LHFPL7: variants seen among roughly 807,000 people sequenced by gnomAD.
LHFPL7 encodes LHFPL tetraspan subfamily member 7 protein.
chr22:24,939,774 T>C, the LHFPL7 span, among the ~76,000 whole-genome samples: 1 of 152,138 alleles, frequency 6.6e-6, no homozygotes, highest in Non-Finnish European at 1.5e-5. Flanking sequence ...CCCCAAGTCC[T>C]AGAATAAATG....
chr22:24,940,143 A>G, the LHFPL7 span, among the ~76,000 whole-genome samples: 2 of 147,036 alleles, frequency 1.4e-5, no homozygotes, highest in African/African-American at 5.0e-5. Context: ...AGCCAGGATG[A>G]TCTCGATCTC....
the LHFPL7 span, among the ~76,000 whole-genome samples, chr22:24,937,607 C>A: frequency 4.6e-5 from 7 of 152,174 alleles, no homozygotes; most frequent in African/African-American, 1.7e-4. Context: ...GCAGTGAGAC[C>A]TGTGAGGTGC....
the LHFPL7 span, among the ~76,000 whole-genome samples, chr22:24,942,140 GCC>G: frequency 1.4e-4 from 21 of 151,614 alleles, no homozygotes; most frequent in African/African-American, 4.4e-4. Context: ...GGACATAGGC[GCC>G]CGCCACCATG....
chr22:24,935,940 TC>T, the LHFPL7 span, among the ~76,000 whole-genome samples: 2 of 151,940 alleles, frequency 1.3e-5, no homozygotes, highest in Non-Finnish European at 2.9e-5. Context: ...ACCCTCATCT[TC>T]CATTCATCCA....
At chr22:24,942,285 C>T in the LHFPL7 span, among the ~76,000 whole-genome samples, 33 of 152,220 alleles carry the variant, frequency 2.2e-4, no homozygotes, top group African/African-American at 7.7e-4. Context: ...TGAGCCACCG[C>T]GCCCGGCCTC....
the LHFPL7 span, among the ~76,000 whole-genome samples, chr22:24,937,174 A>G: frequency 1.3e-5 from 2 of 152,316 alleles, no homozygotes; most frequent in Non-Finnish European, 2.9e-5. Context: ...GCAAAGTAAG[A>G]AGATGGAGAA....
the LHFPL7 span, chr22:24,938,403 CAG>C: frequency 1.3e-6 from 2 of 1,565,444 alleles, no homozygotes; most frequent in Non-Finnish European, 1.7e-6. Flanking sequence ...TTGGCTGGGA[CAG>C]GGGCAGGTGG....
chr22:24,935,516 G>A, the LHFPL7 span: 3 of 1,613,976 alleles, frequency 1.9e-6, no homozygotes, highest in African/African-American at 4.0e-5. Context: ...AATACATGGA[G>A]GAGGCTTCGC....
chr22:24,940,332 G>A, the LHFPL7 span, among the ~76,000 whole-genome samples: 1 of 147,400 alleles, frequency 6.8e-6, no homozygotes, highest in Non-Finnish European at 1.5e-5. Flanking sequence ...GGTGGCTCAC[G>A]CCTGTAATCC....
the LHFPL7 span, among the ~76,000 whole-genome samples, chr22:24,943,074 A>G: frequency 2.0e-5 from 3 of 151,880 alleles, no homozygotes; most frequent in African/African-American, 4.8e-5. Flanking sequence ...GAGAGGGGAC[A>G]GTATTTTTAT....
the LHFPL7 span, among the ~76,000 whole-genome samples, chr22:24,945,395 G>A: frequency 2.6e-5 from 4 of 152,210 alleles, no homozygotes; most frequent in Non-Finnish European, 5.9e-5. Flanking sequence ...GTGGATGGAC[G>A]TGGAGGTGGG....
At chr22:24,938,048 G>A in the LHFPL7 span, 1 of 1,493,374 alleles carries the variant, frequency 6.7e-7, no homozygotes, top group Admixed American at 2.0e-5. Flanking sequence ...TCTGACCCGA[G>A]AGGCCAGGCT....
chr22:24,935,681 C>A, the LHFPL7 span: 1 of 1,495,856 alleles, frequency 6.7e-7, no homozygotes, highest in Non-Finnish European at 9.0e-7. Context: ...ACCCTTTATC[C>A]ACCCATCCAT....
chr22:24,939,545 T>G, the LHFPL7 span: 1 of 702,762 alleles, frequency 1.4e-6, no homozygotes, highest in South Asian at 1.5e-5. Flanking sequence ...TTAGGCAGTA[T>G]CGCTGACCTA....
At chr22:24,942,445 G>A in the LHFPL7 span, among the ~76,000 whole-genome samples, 90 of 152,354 alleles carry the variant, frequency 5.9e-4, 1 homozygote, top group Admixed American at 4.6e-3. Context: ...GCCCAGAAGG[G>A]TGAGCCTGCC....
At chr22:24,938,921 T>G in the LHFPL7 span, among the ~76,000 whole-genome samples, 1 of 152,190 alleles carries the variant, frequency 6.6e-6, no homozygotes, top group Non-Finnish European at 1.5e-5. Flanking sequence ...CATCATAGAT[T>G]TGCAAACTGA....
At chr22:24,937,843 A>G in the LHFPL7 span, among the ~76,000 whole-genome samples, 42 of 152,190 alleles carry the variant, frequency 2.8e-4, no homozygotes, top group African/African-American at 1.0e-3. Flanking sequence ...AACATCCCCA[A>G]CTGTGTATGG....
the LHFPL7 span, among the ~76,000 whole-genome samples, chr22:24,943,877 G>A: frequency 6.6e-6 from 1 of 152,064 alleles, no homozygotes; most frequent in African/African-American, 2.4e-5. Context: ...TAGCTGCTAG[G>A]GACTTGATAT....
chr22:24,939,648 T>A, the LHFPL7 span: 2 of 670,398 alleles, frequency 3.0e-6, no homozygotes, highest in African/African-American at 1.8e-5. Context: ...TCTGGTGTTA[T>A]GATCAGACCC....
Sources: allele counts gnomAD v4.1 joint callset (sites outside exome capture counted in the v4.1 genomes callset), GRCh38; gene constraint gnomAD v4.1.1; transcripts MANE v1.5; gene names NCBI Gene and HGNC (gene_info 2026-07-23, HGNC 2026-07-21).